The following CCDC50 variants were observed in gnomAD, a reference collection of about 807,000 sequenced individuals.
CCDC50 encodes coiled-coil domain-containing protein 50.
Under a neutral mutation model 70.2 loss-of-function variants are expected in CCDC50, and 54 were observed. That is an observed-to-expected ratio of 0.77 (90% CI 0.62 to 0.96). CCDC50 has a LOEUF of 0.96. Ranked by LOEUF, CCDC50 falls within the 50% of genes least tolerant of loss-of-function variation. The probability of loss-of-function intolerance (pLI) is 0.00; values close to 1 mark genes in which losing one functional copy is unlikely to be tolerated. For missense variants in CCDC50, 558 were observed against 578.7 expected (o/e 0.96, Z 0.37); for synonymous variants, 216 against 198.8 (o/e 1.09, Z -0.73).
intron 1 of CCDC50, chr3:191,330,575 T>A (rs9834749): frequency 0.16 from 24,398 of 152,168 alleles, 3,002 homozygotes; most frequent in African/African-American, 0.34. Context: ...GCATAGACGT[T>A]CCAGAGTGCT....
chr3:191,351,488 C>G (rs1042138289), intron 1 of CCDC50, among the ~76,000 whole-genome samples: 1 of 141,156 alleles, frequency 7.1e-6, no homozygotes, highest in African/African-American at 2.5e-5. Flanking sequence ...ACAAGTAGTT[C>G]TGCTTCAAAG....
rs1711849068 is a variant in CCDC50, at chr3:191,344,687, T to C, written c.50-12401T>C. 5.9e-5 allele frequency among the ~76,000 whole-genome samples: 9 copies of C among 152,302 alleles called. No individual in the cohort carries two copies. In the South Asian group the frequency reaches 1.9e-3, roughly 32 times the overall value. ...TCTGCCTCCTGGGTTCAGGCGATTC[T>C]CCTGCCTCAGCCTCCTGAGTAGCTG... On this transcript the variant is annotated intron_variant, in intron 1 of 11. Transcript: ENST00000392455.
chr3:191,362,325 A>G lies in CCDC50; in HGVS notation c.330+1166A>G, dbSNP rs549944928. Among the ~76,000 whole-genome samples the G allele has an allele frequency of 1.5e-3, 226 of 151,934 alleles. 5 individuals are homozygous for G. The highest frequency in any genetic ancestry group is 5.2e-3 in the African/African-American group (214 of 41,394). ...TTTTTTGTAGAGACGAGGTCTCACT[A>G]TGTTGCCCAGGCTGGTTTCAAACTC... On this transcript the variant is annotated intron_variant, in intron 4 of 11. Coordinates refer to ENST00000392455, the MANE Select transcript of CCDC50 (RefSeq NM_178335.3).
chr3:191,380,123 T>G (rs1285299067), intron 6 of CCDC50, 36 bp from the exon 7 acceptor site: 3 of 1,279,682 alleles, frequency 2.3e-6, no homozygotes, highest in Non-Finnish European at 3.3e-6. Flanking sequence ...CATCCTCGGT[T>G]GTTTTATTAC....
At chr3:191,390,887 G>A (rs1296035733) in intron 11 of CCDC50, among the ~76,000 whole-genome samples, 2 of 152,134 alleles carry the variant, frequency 1.3e-5, no homozygotes, top group Non-Finnish European at 2.9e-5. Flanking sequence ...AGTCTCTCTG[G>A]TTCAAACGCC....
intron 1 of CCDC50, among the ~76,000 whole-genome samples, chr3:191,333,257 C>G (rs1718047091): frequency 6.6e-6 from 1 of 152,122 alleles, no homozygotes; most frequent in Non-Finnish European, 1.5e-5. Flanking sequence ...TTAGAAATGT[C>G]TGTAAAAGGA....
chr3:191,389,142 T>G (rs1655325790), intron 10 of CCDC50, among the ~76,000 whole-genome samples: 2 of 152,266 alleles, frequency 1.3e-5, no homozygotes, highest in South Asian at 4.1e-4. Context: ...TTTTCTGTTC[T>G]TTATTCTGTT....
chr3:191,357,418 T>C (rs1466709754), intron 2 of CCDC50, among the ~76,000 whole-genome samples: 1 of 152,146 alleles, frequency 6.6e-6, no homozygotes, highest in East Asian at 1.9e-4. Context: ...CCTCTTGTTG[T>C]AGGAGGGACA....
At chr3:191,389,354 T>G in intron 10 of CCDC50, 142 bp from the exon 11 acceptor site, 1 of 770,104 alleles carries the variant, frequency 1.3e-6, no homozygotes, top group Non-Finnish European at 2.4e-6. Context: ...CATGCAACTG[T>G]CCAGGAACTA....
At chr3:191,341,278 A>G (rs1271234660) in intron 1 of CCDC50, among the ~76,000 whole-genome samples, 2 of 152,210 alleles carry the variant, frequency 1.3e-5, no homozygotes, top group African/African-American at 4.8e-5. Context: ...GGCTCTATTT[A>G]TTGAGCTGCT....
At chr3:191,363,417 G>T (rs293802) in intron 4 of CCDC50, among the ~76,000 whole-genome samples, 96,817 of 152,066 alleles carry the variant, frequency 0.64, 32,338 homozygotes, top group East Asian at 0.92. Context: ...TATTTAGCTT[G>T]GTGATTTTCA....
rs1199381081 is a variant in CCDC50, at chr3:191,380,907, A to G, written c.1217A>G (p.Lys406Arg). 6.2e-7 allele frequency: 1 copy of G among 1,612,680 alleles called. No individual in the cohort carries two copies. The highest frequency in any genetic ancestry group is 1.3e-5 in the African/African-American group (1 of 74,858). ...AKEREKSSLD[K>R]RKQDPEWKPK... ...GAGCGGGAGAAATCATCTTTGGACA[A>G]AAGAAAGCAAGACCCCGAGTGGAAG... is the stretch of plus-strand genomic sequence containing the variant. Residue 406 changes from lysine (K) to arginine (R), a missense_variant, in exon 9 of 12, where the codon AAA becomes AGA. By Grantham distance (26) the Lys-to-Arg change is conservative (BLOSUM62 2). Transcript: ENST00000392455.
At chr3:191,381,813 C>G (rs1159623179) in intron 9 of CCDC50, among the ~76,000 whole-genome samples, 2 of 151,958 alleles carry the variant, frequency 1.3e-5, no homozygotes, top group Non-Finnish European at 2.9e-5. Context: ...TAGCGCTGGT[C>G]TCTCTTGAAC....
rs560898452 is a variant in CCDC50, at chr3:191,376,076, T to G, written c.976+487T>G. Among the ~76,000 whole-genome samples the G allele has an allele frequency of 2.1e-3, 325 of 151,338 alleles. 1 individual carries two copies. The highest frequency in any genetic ancestry group is 3.8e-3 in the Non-Finnish European group (257 of 68,006). ...AAAATGAGGAGTTGGATAGGCAGTC[T>G]TTTAAGAAAGTATTTTTCAAATAAT... On this transcript the variant is annotated intron_variant, in intron 6 of 11. Transcript: ENST00000392455.
At chr3:191,335,508 C>T (rs1711504551) in intron 1 of CCDC50, among the ~76,000 whole-genome samples, 1 of 152,014 alleles carries the variant, frequency 6.6e-6, no homozygotes, top group African/African-American at 2.4e-5. Flanking sequence ...CTAGAATGTT[C>T]CAGGTGTTTG....
At chr3:191,370,382 A>G (rs1194807662) in intron 5 of CCDC50, 13 of 266,744 alleles carry the variant, frequency 4.9e-5, no homozygotes, top group Admixed American at 4.7e-4. Flanking sequence ...ACCCCACAAC[A>G]GGCCCCGGTG....
chr3:191,347,139 A>G (rs746720252), intron 1 of CCDC50, among the ~76,000 whole-genome samples: 1 of 142,266 alleles, frequency 7.0e-6, no homozygotes, highest in African/African-American at 2.5e-5. Context: ...GCAGCTTTCT[A>G]TCTGTGATGT....
chr3:191,380,709 C>CCT lies in CCDC50; in HGVS notation c.1116_1117insTC (p.Ala373SerfsTer4), dbSNP rs1318177537. 1 of 1,612,504 alleles carries CCT rather than the reference C, an allele frequency of 6.2e-7. No homozygotes were observed. Among genetic ancestry groups the CCT allele is most frequent in the Non-Finnish European group, 8.5e-7 (1 of 1,179,154 alleles). Reference sequence around the variant, plus strand: ...TAGGCTACCCAGGTGGACATGAGAGCCGCTCAAGTAGCTCAAGATGAAGTA... The same window carrying CCT: ...TAGGCTACCCAGGTGGACATGAGAGCCTCGCTCAAGTAGCTCAAGATGAAGTA... On this transcript the variant is annotated frameshift_variant, in exon 8 of 12. Coordinates refer to ENST00000392455, the MANE Select transcript of CCDC50 (RefSeq NM_178335.3). LOFTEE classifies it high-confidence loss of function.
At chr3:191,385,667 G>A (rs573736117) in intron 10 of CCDC50, among the ~76,000 whole-genome samples, 1 of 136,052 alleles carries the variant, frequency 7.4e-6, no homozygotes, top group African/African-American at 2.5e-5. Context: ...CTATTTGTCT[G>A]TTTTTGATTT....
Sources: allele counts gnomAD v4.1 joint callset (sites outside exome capture counted in the v4.1 genomes callset), GRCh38; gene constraint gnomAD v4.1.1; transcripts MANE v1.5; gene names NCBI Gene and HGNC (gene_info 2026-07-23, HGNC 2026-07-21).